RP1: variants seen among roughly 807,000 people sequenced by gnomAD.
The protein encoded by RP1 is RP1 axonemal microtubule associated, also known as oxygen-regulated protein 1.
Under a neutral mutation model 14.8 loss-of-function variants are expected in RP1, and 16 were observed. The observed-to-expected ratio is 1.08, with a 90% CI of 0.73 to 1.65. The LOEUF (loss-of-function observed/expected upper bound fraction) is 1.65, where lower values mean the gene tolerates loss of function less well. RP1 is among the 40% of genes most tolerant of loss of function. RP1 has a pLI of 0.00. For missense variants in RP1, 2,631 were observed against 2,535.0 expected (o/e 1.04, Z -0.81); for synonymous variants, 876 against 883.6 (o/e 0.99, Z 0.15).
At chr8:54,591,268 T>C (rs531615570) in intron 1 of RP1, among the ~76,000 whole-genome samples, 9 of 152,272 alleles carry the variant, frequency 5.9e-5, no homozygotes, top group Non-Finnish European at 1.3e-4. Context: ...AAATCTGGCC[T>C]CTTCCTATTT....
At chr8:54,635,288 C>T (rs1806325045), downstream of RP1, among the ~76,000 whole-genome samples, 1 of 152,162 alleles carries the variant, frequency 6.6e-6, no homozygotes, top group South Asian at 2.1e-4. Flanking sequence ...CATTTAGCTG[C>T]TTTTCATCTT....
intron 9 of RP1, chr8:54,679,328 G>C: frequency 1.8e-6 from 2 of 1,140,624 alleles, no homozygotes; most frequent in Non-Finnish European, 2.5e-6. Flanking sequence ...TCCCTTTCCT[G>C]CTATCTTGTA....
At chr8:54,639,893 G>C (rs1806423977) in intron 3 of RP1, among the ~76,000 whole-genome samples, 1 of 152,106 alleles carries the variant, frequency 6.6e-6, no homozygotes, top group Non-Finnish European at 1.5e-5. Context: ...TAGTGTAATA[G>C]CTTGACTTTT....
chr8:54,865,016 C>G (rs945651976), intron 27 of RP1, among the ~76,000 whole-genome samples: 1 of 151,998 alleles, frequency 6.6e-6, no homozygotes. Flanking sequence ...GCTTTTTTTG[C>G]TGTCATTTCC....
chr8:54,627,717 A>G lies in RP1; in HGVS notation c.3835A>G (p.Thr1279Ala), dbSNP rs1309524595. Reference protein sequence around the residue: ...SPKETCNPSDTFFPSDGYGVD... With the variant: ...SPKETCNPSDAFFPSDGYGVD... ...AAAAGAGACATGTAACCCCAGTGAC[A>G]CTTTTTTTCCTAGTGATGGTTATGG... Residue 1279 changes from threonine to alanine, a missense_variant, in exon 4 of 4, where the codon ACT becomes GCT. Thr to Ala is a moderately conservative substitution (Grantham distance 58, BLOSUM62 0). Coordinates refer to ENST00000220676, the MANE Select transcript of RP1 (RefSeq NM_006269.2). 1.9e-6 allele frequency: 3 copies of G among 1,614,056 alleles called. No homozygotes were observed. Among genetic ancestry groups the G allele is most frequent in the African/African-American group, 1.3e-5 (1 of 74,938 alleles).
intron 24 of RP1, among the ~76,000 whole-genome samples, chr8:54,832,625 T>C (rs991306646): frequency 1.9e-4 from 29 of 151,954 alleles, no homozygotes; most frequent in Admixed American, 2.6e-4. Flanking sequence ...TATTAACTCC[T>C]TTTTTTATTG....
intron 3 of RP1, among the ~76,000 whole-genome samples, chr8:54,624,388 T>A (rs1805963879): frequency 1.5e-5 from 2 of 130,098 alleles, no homozygotes. Context: ...GAGGTAGCAG[T>A]GAGCCCAGAT....
chr8:54,712,666 G>C (rs1455333857), intron 15 of RP1, among the ~76,000 whole-genome samples: 1 of 152,126 alleles, frequency 6.6e-6, no homozygotes, highest in East Asian at 1.9e-4. Context: ...TTTTACTTCT[G>C]CTACTTCCAT....
At chr8:54,689,097 G>T (rs1807642538) in intron 12 of RP1, among the ~76,000 whole-genome samples, 1 of 152,150 alleles carries the variant, frequency 6.6e-6, no homozygotes, top group Non-Finnish European at 1.5e-5. Context: ...GTTCACTCAT[G>T]ATTTGGCTGT....
chr8:54,819,289 C>G (rs1811202204), intron 24 of RP1, among the ~76,000 whole-genome samples: 2 of 151,864 alleles, frequency 1.3e-5, no homozygotes, highest in South Asian at 4.2e-4. Flanking sequence ...TTTTTCAGCT[C>G]CAGAATTTTT....
chr8:54,649,269 T>A, intron 4 of RP1: 1 of 776,732 alleles, frequency 1.3e-6, no homozygotes, highest in Non-Finnish European at 1.8e-6. Context: ...CATTCAAAAA[T>A]AATTTATGGA....
chr8:54,630,181 T>C lies in RP1; in HGVS notation c.6299T>C (p.Leu2100Pro), dbSNP rs369408093. ...NINCHYFFEM[L>P]GQACLLDICQ... is the part of the protein sequence containing the mutation. ...AACTGTCATTACTTCTTTGAAATGC[T>C]TGGTCAAGCTTGCCTCTTAGATATT... is the stretch of plus-strand genomic sequence containing the variant. Residue 2100 changes from leucine to proline, a missense_variant, in exon 4 of 4, where the codon CTT becomes CCT. Transcript: ENST00000220676. 1.2e-6 allele frequency: 2 copies of C among 1,613,652 alleles called. No homozygotes were observed. Among genetic ancestry groups the C allele is most frequent in the Non-Finnish European group, 8.5e-7 (1 of 1,179,954 alleles).
At position 54,626,860 on chromosome 8, in the gene RP1, C is replaced by G. The variant is rs747714373; in HGVS notation, c.2978C>G (p.Ser993Cys). The G allele has an allele frequency of 2.5e-6, 4 of 1,613,718 alleles. No homozygotes were observed. Among genetic ancestry groups the G allele is most frequent in the Non-Finnish European group, 3.4e-6 (4 of 1,179,954 alleles). Reference sequence around the variant, plus strand: ...AATCTATGTAAAGAGGGAGATAAGTCTTTTATTGCCAATGACACTGGTGAA... The same window carrying G: ...AATCTATGTAAAGAGGGAGATAAGTGTTTTATTGCCAATGACACTGGTGAA... ...GDNLCKEGDKSFIANDTGEED... is the reference protein window; with the variant it reads ...GDNLCKEGDKCFIANDTGEED... Residue 993 changes from serine to cysteine, a missense_variant, in exon 4 of 4, where the codon TCT becomes TGT. Physicochemically the swap from Ser to Cys is moderately radical, Grantham distance 112. Coordinates refer to ENST00000220676, the MANE Select transcript of RP1 (RefSeq NM_006269.2).
chr8:54,799,536 T>C (rs1585702783), intron 24 of RP1, among the ~76,000 whole-genome samples: 1 of 152,060 alleles, frequency 6.6e-6, no homozygotes, highest in Admixed American at 6.5e-5. Context: ...TTGTTTTCTA[T>C]TTGTTCTTCC....
At chr8:54,689,110 C>T (rs1213924473) in intron 12 of RP1, among the ~76,000 whole-genome samples, 5 of 151,954 alleles carry the variant, frequency 3.3e-5, no homozygotes, top group African/African-American at 9.7e-5. Context: ...TTGGCTGTCT[C>T]TTTGTCTGTT....
intron 24 of RP1, among the ~76,000 whole-genome samples, chr8:54,807,208 C>G (rs1176179396): frequency 6.6e-6 from 1 of 152,210 alleles, no homozygotes; most frequent in Non-Finnish European, 1.5e-5. Context: ...GTCTGTCAAG[C>G]TCCATCAGCC....
exon 15 of RP1, chr8:54,706,604 G>A (rs1160256310): frequency 1.3e-6 from 2 of 1,535,958 alleles, no homozygotes; most frequent in African/African-American, 2.7e-5. Flanking sequence ...TTGAAAGTGT[G>A]AAAAATGCAC....
intron 24 of RP1, among the ~76,000 whole-genome samples, chr8:54,784,024 ACATCTGT>A (rs1482573254): frequency 3.9e-5 from 6 of 152,174 alleles, no homozygotes; most frequent in African/African-American, 1.2e-4. Context: ...CCATTTTTGA[ACATCTGT>A]CTCAGTCTTT....
downstream of RP1, among the ~76,000 whole-genome samples, chr8:54,631,539 C>T (rs888912716): frequency 6.7e-6 from 1 of 150,314 alleles, no homozygotes; most frequent in African/African-American, 2.4e-5. Context: ...ACTTCCCCTG[C>T]ATTTTTTTTT....
Sources: allele counts gnomAD v4.1 joint callset (sites outside exome capture counted in the v4.1 genomes callset), GRCh38; gene constraint gnomAD v4.1.1; transcripts MANE v1.5; gene names NCBI Gene and HGNC (gene_info 2026-07-23, HGNC 2026-07-21).